The following PDE4D variants were observed in gnomAD, a reference collection of about 807,000 sequenced individuals.
PDE4D encodes phosphodiesterase 4D, also known as 3',5'-cyclic-AMP phosphodiesterase 4D.
A neutral mutation model predicts 87.4 loss-of-function variants in PDE4D; 24 were observed. That is an observed-to-expected ratio of 0.27 (90% CI 0.20 to 0.39). The LOEUF is 0.39. Ranked by LOEUF, PDE4D falls within the 10% of genes least tolerant of loss-of-function variation. PDE4D has a pLI of 1.00. For synonymous variants in PDE4D, 384 were observed against 383.2 expected, an observed-to-expected ratio of 1.00 and a Z score of -0.02; for missense variants, 714 against 1,041.0, an observed-to-expected ratio of 0.69 and a Z score of 4.32.
At chr5:59,517,778 G>A (rs755376874) in intron 1 of PDE4D, among the ~76,000 whole-genome samples, 20 of 152,116 alleles carry the variant, frequency 1.3e-4, no homozygotes, top group Admixed American at 3.3e-4. Flanking sequence ...TGTTCTTCAC[G>A]TTATTCACAT....
chr5:59,893,029 G>C, intron 1 of PDE4D, 139 bp downstream of exon 1: 1 of 854,134 alleles, frequency 1.2e-6, no homozygotes, highest in Non-Finnish European at 1.8e-6. Flanking sequence ...GCACACCCCT[G>C]TTTGTCCTCC....
At chr5:60,275,592 T>G (rs1446023342) in intron 1 of PDE4D, among the ~76,000 whole-genome samples, 5 of 140,162 alleles carry the variant, frequency 3.6e-5, no homozygotes, top group Admixed American at 3.4e-4. Flanking sequence ...TGAACTCATG[T>G]TTTTTTTTTT....
chr5:59,148,306 T>A (rs1040070672), intron 5 of PDE4D, among the ~76,000 whole-genome samples: 1 of 152,236 alleles, frequency 6.6e-6, no homozygotes, highest in Non-Finnish European at 1.5e-5. Context: ...AACACACTTA[T>A]AAGATTTTCA....
At chr5:59,246,303 G>C (rs1758827677) in intron 1 of PDE4D, among the ~76,000 whole-genome samples, 2 of 151,918 alleles carry the variant, frequency 1.3e-5, no homozygotes, top group Admixed American at 6.6e-5. Flanking sequence ...ACATATTTCA[G>C]CATCTGTTTT....
chr5:59,333,615 A>G (rs1777124459), intron 1 of PDE4D, among the ~76,000 whole-genome samples: 1 of 152,204 alleles, frequency 6.6e-6, no homozygotes, highest in Non-Finnish European at 1.5e-5. Flanking sequence ...CAGAGCAATT[A>G]AAATCAGCAG....
At chr5:60,448,658 C>A (rs1020777825) in intron 1 of PDE4D, 1 of 152,154 alleles carries the variant, frequency 6.6e-6, no homozygotes, top group African/African-American at 2.4e-5. Context: ...AAATCTGGAA[C>A]AGGAGTGTTG....
intron 1 of PDE4D, among the ~76,000 whole-genome samples, chr5:59,661,692 G>GGGCA (rs1331484098): frequency 6.6e-6 from 1 of 152,102 alleles, no homozygotes; most frequent in African/African-American, 2.4e-5. Flanking sequence ...ATCACACATA[G>GGGCA]GGCAACATTC....
intron 1 of PDE4D, among the ~76,000 whole-genome samples, chr5:60,502,184 G>C (rs1437564504): frequency 1.1e-4 from 17 of 152,078 alleles, no homozygotes; most frequent in South Asian, 4.1e-4. Flanking sequence ...TTTGTATAAG[G>C]TGTAAGGAAG....
At chr5:60,182,062 T>C (rs1441799112) in intron 2 of PDE4D, among the ~76,000 whole-genome samples, 1 of 152,100 alleles carries the variant, frequency 6.6e-6, no homozygotes, top group Non-Finnish European at 1.5e-5. Flanking sequence ...ATCTGAAAAG[T>C]TAAATAGTAA....
At chr5:59,179,617 C>A in intron 5 of PDE4D, 1 of 439,290 alleles carries the variant, frequency 2.3e-6, no homozygotes, top group Non-Finnish European at 4.5e-6. Flanking sequence ...AATGTGGTGA[C>A]CACAAACACA....
chr5:59,813,207 C>T (rs923915515), intron 1 of PDE4D, among the ~76,000 whole-genome samples: 1 of 152,134 alleles, frequency 6.6e-6, no homozygotes, highest in African/African-American at 2.4e-5. Flanking sequence ...GGAGTTTTGG[C>T]AAAGATTACT....
At chr5:59,820,332 C>T (rs1275472536) in intron 1 of PDE4D, among the ~76,000 whole-genome samples, 3 of 152,230 alleles carry the variant, frequency 2.0e-5, no homozygotes, top group East Asian at 1.9e-4. Context: ...TGAACACACT[C>T]TCCTCAGGCT....
chr5:59,803,945 C>A (rs1268896936), intron 1 of PDE4D, among the ~76,000 whole-genome samples: 12 of 152,128 alleles, frequency 7.9e-5, no homozygotes, highest in Admixed American at 1.3e-4. Flanking sequence ...TAGTTACAAA[C>A]TTGTATTTTA....
chr5:59,404,664 T>TAAAAAAAA (rs141310449), intron 1 of PDE4D, among the ~76,000 whole-genome samples: 11,073 of 136,292 alleles, frequency 0.081, 477 homozygotes, highest in Middle Eastern at 0.12. Flanking sequence ...AGACTCTGTC[T>TAAAAAAAA]AAAAAAAAAA....
At chr5:60,194,496 T>C (rs1458309910) in intron 1 of PDE4D, among the ~76,000 whole-genome samples, 1 of 151,648 alleles carries the variant, frequency 6.6e-6, no homozygotes, top group Non-Finnish European at 1.5e-5. Flanking sequence ...CATATCAAAA[T>C]TAGCTAGGGA....
upstream of PDE4D, among the ~76,000 whole-genome samples, chr5:59,897,378 A>G (rs1309412089): frequency 6.6e-6 from 1 of 152,210 alleles, no homozygotes; most frequent in Non-Finnish European, 1.5e-5. Context: ...TTCTATCCAG[A>G]ACACAGAGTG....
chr5:60,267,269 C>T (rs751927313), intron 1 of PDE4D, among the ~76,000 whole-genome samples: 12 of 152,172 alleles, frequency 7.9e-5, no homozygotes, highest in Non-Finnish European at 1.5e-4. Context: ...GGTCTACAAG[C>T]GGCTGTGGTT....
intron 2 of PDE4D, among the ~76,000 whole-genome samples, chr5:60,018,247 T>C (rs1258873254): frequency 2.0e-5 from 3 of 151,718 alleles, no homozygotes; most frequent in Non-Finnish European, 2.9e-5. Flanking sequence ...CAAACTAAAC[T>C]TCATAAGCAA....
chr5:59,417,396 A>G (rs1374178064), intron 1 of PDE4D, among the ~76,000 whole-genome samples: 1 of 152,204 alleles, frequency 6.6e-6, no homozygotes, highest in Non-Finnish European at 1.5e-5. Flanking sequence ...TCCTGGGAAA[A>G]TAATGTATCT....
Sources: gnomAD v4.1 joint callset for allele counts (sites outside exome capture counted in the v4.1 genomes callset) on GRCh38, gnomAD v4.1.1 for gene constraint, MANE v1.5 for transcripts, NCBI Gene and HGNC (gene_info 2026-07-23, HGNC 2026-07-21) for gene names.